CPED1: variants seen among roughly 807,000 people sequenced by gnomAD.
The protein encoded by CPED1 is cadherin-like and PC-esterase domain-containing protein 1.
In CPED1, 114 loss-of-function variants were observed where a neutral mutation model predicts 128.2. The ratio of observed to expected loss-of-function variants is 0.89; its 90% CI spans 0.76 to 1.04. The LOEUF (loss-of-function observed/expected upper bound fraction) is 1.04, where lower values mean the gene tolerates loss of function less well. Among genes scored for constraint, CPED1 ranks in the 50% least tolerant of loss-of-function variants. The pLI, the probability that CPED1 is intolerant of heterozygous loss-of-function variation, is 0.00. For missense variants in CPED1, 1,211 were observed against 1,207.1 expected, an observed-to-expected ratio of 1.00 and a Z score of -0.05; for synonymous variants, 462 against 426.7, an observed-to-expected ratio of 1.08 and a Z score of -1.02.
intron 17 of CPED1, among the ~76,000 whole-genome samples, chr7:121,242,173 C>T (rs569194124): frequency 7.5e-4 from 114 of 152,298 alleles, no homozygotes; most frequent in African/African-American, 2.3e-3. Context: ...CTTGTTTTTA[C>T]GCTATAGTTA....
intron 22 of CPED1, among the ~76,000 whole-genome samples, chr7:121,280,510 C>T (rs988679289): frequency 4.6e-5 from 7 of 152,144 alleles, no homozygotes; most frequent in Non-Finnish European, 1.0e-4. Flanking sequence ...GGGTGGGGGA[C>T]AGACAATATG....
intron 17 of CPED1, among the ~76,000 whole-genome samples, chr7:121,237,262 T>C (rs953566892): frequency 3.9e-5 from 6 of 152,196 alleles, no homozygotes; most frequent in Non-Finnish European, 5.9e-5. Flanking sequence ...CCTGACTAGT[T>C]TGCATTATAC....
At chr7:121,221,009 T>G (rs1202570823) in intron 16 of CPED1, among the ~76,000 whole-genome samples, 1 of 152,112 alleles carries the variant, frequency 6.6e-6, no homozygotes, top group Non-Finnish European at 1.5e-5. Flanking sequence ...AGGGTATAAG[T>G]GCACAACATG....
chr7:121,023,527 AAC>A (rs1160305233), intron 3 of CPED1, among the ~76,000 whole-genome samples: 1 of 152,188 alleles, frequency 6.6e-6, no homozygotes, highest in Non-Finnish European at 1.5e-5. Context: ...ATAAGACTCA[AAC>A]ACACAGAATG....
At chr7:121,243,600 A>T (rs1483377652) in intron 17 of CPED1, among the ~76,000 whole-genome samples, 1 of 152,212 alleles carries the variant, frequency 6.6e-6, no homozygotes, top group African/African-American at 2.4e-5. Flanking sequence ...ATGTGAGAAG[A>T]ACTGTACACA....
At chr7:121,008,115 C>A (rs1289730760) in intron 2 of CPED1, among the ~76,000 whole-genome samples, 1 of 152,038 alleles carries the variant, frequency 6.6e-6, no homozygotes, top group African/African-American at 2.4e-5. Context: ...GGGTACTCAT[C>A]CATCCAGAAA....
At chr7:121,114,313 C>T (rs989145001) in intron 7 of CPED1, among the ~76,000 whole-genome samples, 1 of 152,188 alleles carries the variant, frequency 6.6e-6, no homozygotes, top group Non-Finnish European at 1.5e-5. Context: ...TAGTACTGCT[C>T]TGCATTCCCC....
intron 16 of CPED1, among the ~76,000 whole-genome samples, chr7:121,156,862 T>C (rs1203138747): frequency 6.6e-6 from 1 of 152,162 alleles, no homozygotes; most frequent in Non-Finnish European, 1.5e-5. Context: ...TTTAGTGCAA[T>C]ACTGTAAACT....
chr7:121,047,710 TTCTTC>T (rs1434674313), intron 4 of CPED1, among the ~76,000 whole-genome samples: 23 of 57,216 alleles, frequency 4.0e-4, no homozygotes, highest in Admixed American at 1.7e-3. Flanking sequence ...CTTCTTCTTC[TTCTTC>T]TTTTTTTTTT....
chr7:121,220,914 C>A (rs1032299322), intron 16 of CPED1, among the ~76,000 whole-genome samples: 3 of 151,876 alleles, frequency 2.0e-5, no homozygotes, highest in Non-Finnish European at 4.4e-5. Flanking sequence ...CTGCAATTTG[C>A]TTTACTGCTT....
rs952418010 is a variant in CPED1 at position 121,082,277 on chromosome 7, G to T, written c.617-15422G>T. On this transcript the variant is annotated intron_variant, in intron 5 of 22. Coordinates refer to ENST00000310396, the MANE Select transcript of CPED1 (RefSeq NM_024913.5). The stretch of plus-strand genomic sequence containing the variant: ...GAGTCTATGAAAATAATATATAAGA[G>T]ATTATGTCTATATTACTCTGGATAT... Among the ~76,000 whole-genome samples, 15 of 152,222 alleles carry T rather than the reference G, an allele frequency of 9.9e-5. 3 individuals are homozygous for T. The highest frequency in any genetic ancestry group is 2.0e-4 in the Admixed American group (3 of 15,286).
chr7:121,233,092 C>T lies in CPED1; in HGVS notation c.2056-3622C>T, dbSNP rs1041276682. Among the ~76,000 whole-genome samples, 9 of 151,980 alleles carry T rather than the reference C, an allele frequency of 5.9e-5. No homozygotes were observed. The South Asian group carries it at 6.2e-4, about 11-fold the overall frequency. ...AAAACCAAGAACATCATAATGATTC[C>T]GGTTAGTTACTCTAGCACCTCATGA... On this transcript the variant is annotated intron_variant, in intron 16 of 22. Transcript: ENST00000310396.
chr7:121,153,552 G>A lies in CPED1; in HGVS notation c.2055+11411G>A, dbSNP rs184803106. Reference sequence around the variant, plus strand: ...CAAAACTAAACCAAACACTTAAAAGGTAGATACTTTAATAACTCCCATTTC... The same window carrying A: ...CAAAACTAAACCAAACACTTAAAAGATAGATACTTTAATAACTCCCATTTC... On this transcript the variant is annotated intron_variant, in intron 16 of 22. Transcript: ENST00000310396. Among the ~76,000 whole-genome samples, 784 of 152,256 alleles carry A rather than the reference G, an allele frequency of 5.1e-3. 5 individuals carry two copies. The highest frequency in any genetic ancestry group is 8.7e-3 in the Non-Finnish European group (590 of 68,010).
At chr7:121,243,877 T>G (rs1798457765) in intron 17 of CPED1, among the ~76,000 whole-genome samples, 2 of 152,208 alleles carry the variant, frequency 1.3e-5, no homozygotes, top group Admixed American at 6.5e-5. Context: ...AGTCTATTAA[T>G]GCTTTGGTCT....
In CPED1 at chr7:121,060,857, C is replaced by T. The variant is rs558320207; in HGVS notation, c.541-3381C>T. Reference sequence around the variant, plus strand: ...GCAATAAATCTTGCTGCTGCTCACTCTTTGGGTCCACACTGCCTTTATGAG... The same window carrying T: ...GCAATAAATCTTGCTGCTGCTCACTTTTTGGGTCCACACTGCCTTTATGAG... On this transcript the variant is annotated intron_variant, in intron 4 of 22. Transcript: ENST00000310396. Among the ~76,000 whole-genome samples the T allele has an allele frequency of 1.6e-4, 25 of 152,344 alleles. No homozygotes were observed. In the South Asian group the frequency reaches 2.1e-3, roughly 13 times the overall value.
intron 2 of CPED1, among the ~76,000 whole-genome samples, chr7:121,006,709 A>G (rs1315399665): frequency 2.0e-5 from 3 of 152,164 alleles, no homozygotes; most frequent in Non-Finnish European, 4.4e-5. Context: ...TAATGAAGGA[A>G]ACTGTCAAGA....
At chr7:121,176,241 C>T (rs1796777034) in intron 16 of CPED1, among the ~76,000 whole-genome samples, 1 of 141,986 alleles carries the variant, frequency 7.0e-6, no homozygotes, top group African/African-American at 2.6e-5. Flanking sequence ...ACTTGAATTG[C>T]ATAGTTAGTT....
chr7:121,045,988 T>C (rs1250588211), intron 3 of CPED1, among the ~76,000 whole-genome samples: 1 of 152,122 alleles, frequency 6.6e-6, no homozygotes, highest in Non-Finnish European at 1.5e-5. Context: ...TCAAGAAATA[T>C]TTTTAAAGCA....
At chr7:121,127,803 G>A (rs2116324606) in intron 10 of CPED1, among the ~76,000 whole-genome samples, 1 of 151,846 alleles carries the variant, frequency 6.6e-6, no homozygotes, top group East Asian at 1.9e-4. Flanking sequence ...CAAAGTGCTG[G>A]GATTACGAAA....
Sources: allele counts gnomAD v4.1 joint callset (sites outside exome capture counted in the v4.1 genomes callset), GRCh38; gene constraint gnomAD v4.1.1; transcripts MANE v1.5; gene names NCBI Gene and HGNC (gene_info 2026-07-23, HGNC 2026-07-21).